RSRC1: variants seen among roughly 807,000 people sequenced by gnomAD.
The protein encoded by RSRC1 is arginine and serine rich coiled-coil 1.
Under a neutral mutation model 49.1 loss-of-function variants are expected in RSRC1, and 39 were observed. The ratio of observed to expected loss-of-function variants is 0.79; its 90% CI spans 0.61 to 1.04. RSRC1 has a LOEUF of 1.04. RSRC1 is among the 50% of genes least tolerant of loss of function. The probability of loss-of-function intolerance (pLI) is 0.00; values close to 1 mark genes in which losing one functional copy is unlikely to be tolerated. For synonymous variants in RSRC1, 143 were observed against 130.8 expected (o/e 1.09, Z -0.63); for missense variants, 388 against 402.4 (o/e 0.96, Z 0.31).
At chr3:158,349,766 C>T (rs558601827) in intron 5 of RSRC1, among the ~76,000 whole-genome samples, 2 of 132,500 alleles carry the variant, frequency 1.5e-5, no homozygotes, top group South Asian at 2.4e-4. Flanking sequence ...GGCACAATCT[C>T]GGCTCATTGC....
At chr3:158,165,368 G>A (rs909468960) in intron 3 of RSRC1, among the ~76,000 whole-genome samples, 1 of 152,186 alleles carries the variant, frequency 6.6e-6, no homozygotes, top group Admixed American at 6.5e-5. Context: ...TCGTTAATAA[G>A]CATCATTGCA....
Position 158,129,350 on chromosome 3 carries a change from C to A in RSRC1, c.320+5359C>A, listed in dbSNP as rs184367657. ...TATTGCCGAGACTAGAGTATAGTGA[C>A]GCAATTCTCATCTCACTGCAACCTC... On this transcript the variant is annotated intron_variant, in intron 3 of 9. Transcript: ENST00000611884. Among the ~76,000 whole-genome samples the A allele has an allele frequency of 3.6e-3, 488 of 134,530 alleles. 5 individuals are homozygous for A. The highest frequency in any genetic ancestry group is 8.7e-3 in the Admixed American group (103 of 11,838). The allele number at this position is 134,530 out of a possible 152,430, so 88.3% of individuals were successfully genotyped here.
chr3:158,350,833 A>T (rs1730832063), intron 5 of RSRC1, among the ~76,000 whole-genome samples: 1 of 152,212 alleles, frequency 6.6e-6, no homozygotes, highest in Non-Finnish European at 1.5e-5. Flanking sequence ...GATGAAATTT[A>T]TACTGATCCT....
chr3:158,212,827 T>C (rs1721758728), intron 4 of RSRC1, among the ~76,000 whole-genome samples: 1 of 151,962 alleles, frequency 6.6e-6, no homozygotes, highest in African/African-American at 2.4e-5. Context: ...TAATCACTCA[T>C]TACAGTTCTA....
chr3:158,110,543 C>T (rs1474819385), intron 1 of RSRC1: 1 of 152,686 alleles, frequency 6.5e-6, no homozygotes, highest in Non-Finnish European at 1.5e-5. Flanking sequence ...TTCTTCATAG[C>T]TGCTTTTGGG....
At chr3:158,308,319 C>G (rs2108138078) in intron 5 of RSRC1, among the ~76,000 whole-genome samples, 1 of 151,946 alleles carries the variant, frequency 6.6e-6, no homozygotes, top group South Asian at 2.1e-4. Flanking sequence ...CCACAGTGCC[C>G]CATTAGATGA....
At chr3:158,355,570 T>A (rs895842212) in intron 6 of RSRC1, among the ~76,000 whole-genome samples, 7 of 151,988 alleles carry the variant, frequency 4.6e-5, no homozygotes, top group African/African-American at 1.7e-4. Flanking sequence ...TCAAGTGCTG[T>A]ATGTTTTATT....
intron 4 of RSRC1, among the ~76,000 whole-genome samples, chr3:158,241,451 G>A (rs1723570556): frequency 1.3e-5 from 2 of 151,688 alleles, no homozygotes; most frequent in Non-Finnish European, 2.9e-5. Context: ...GAGCAAGACT[G>A]TCTCAAAAAT....
At chr3:158,481,797 T>C (rs1242000965) in intron 7 of RSRC1, among the ~76,000 whole-genome samples, 1 of 152,104 alleles carries the variant, frequency 6.6e-6, no homozygotes, top group Non-Finnish European at 1.5e-5. Context: ...TATACTCTTA[T>C]TCCATTTTCT....
intron 6 of RSRC1, among the ~76,000 whole-genome samples, chr3:158,363,269 C>CT (rs10635870): frequency 0.26 from 36,079 of 141,368 alleles, 4,655 homozygotes; most frequent in Non-Finnish European, 0.29. Flanking sequence ...CTTTTTTTTT[C>CT]TTTTTTTTTT....
At chr3:158,329,979 C>T (rs1182127498) in intron 5 of RSRC1, among the ~76,000 whole-genome samples, 1 of 152,200 alleles carries the variant, frequency 6.6e-6, no homozygotes, top group Non-Finnish European at 1.5e-5. Context: ...AGTTCGATCT[C>T]AGAGTGTTGT....
At chr3:158,383,550 A>G (rs1021002578) in intron 6 of RSRC1, among the ~76,000 whole-genome samples, 2 of 152,128 alleles carry the variant, frequency 1.3e-5, no homozygotes, top group African/African-American at 4.8e-5. Flanking sequence ...TGAAGTTGCA[A>G]AAGTACAGGT....
intron 6 of RSRC1, among the ~76,000 whole-genome samples, chr3:158,425,507 T>A (rs930927131): frequency 2.6e-5 from 4 of 151,768 alleles, no homozygotes; most frequent in Non-Finnish European, 2.9e-5. Flanking sequence ...CAAGTATGTG[T>A]TCAATTTTGG....
intron 4 of RSRC1, among the ~76,000 whole-genome samples, chr3:158,277,613 A>G (rs183357695): frequency 2.9e-4 from 44 of 152,314 alleles, no homozygotes; most frequent in African/African-American, 1.0e-3. Flanking sequence ...GTTGGAATGA[A>G]TATCTTCTTT....
intron 4 of RSRC1, among the ~76,000 whole-genome samples, chr3:158,287,465 A>G (rs181915738): frequency 1.8e-4 from 28 of 152,294 alleles, no homozygotes; most frequent in Non-Finnish European, 3.2e-4. Flanking sequence ...TGAAATAAAC[A>G]TTACATAAAA....
At chr3:158,205,670 A>G (rs191590326) in intron 4 of RSRC1, among the ~76,000 whole-genome samples, 15 of 152,248 alleles carry the variant, frequency 9.9e-5, no homozygotes, top group Admixed American at 2.0e-4. Flanking sequence ...ACGAAACCTA[A>G]CTAAGAGTAG....
chr3:158,351,882 A>G (rs1039351255), intron 5 of RSRC1, among the ~76,000 whole-genome samples: 1 of 143,154 alleles, frequency 7.0e-6, no homozygotes, highest in African/African-American at 2.7e-5. Flanking sequence ...ATTATGATAT[A>G]TAACTATTAT....
intron 6 of RSRC1, among the ~76,000 whole-genome samples, chr3:158,456,302 C>T (rs978441965): frequency 7.8e-5 from 11 of 140,220 alleles, no homozygotes; most frequent in African/African-American, 3.2e-4. Context: ...GTGAGGATTA[C>T]GTGAGGGTTT....
At chr3:158,370,252 T>C (rs528006912) in intron 6 of RSRC1, among the ~76,000 whole-genome samples, 2 of 152,074 alleles carry the variant, frequency 1.3e-5, no homozygotes, top group Admixed American at 1.3e-4. Flanking sequence ...ACTGAAGAGG[T>C]CTAGCAAAGG....
Sources: allele counts gnomAD v4.1 joint callset (sites outside exome capture counted in the v4.1 genomes callset), GRCh38; gene constraint gnomAD v4.1.1; transcripts MANE v1.5; gene names NCBI Gene and HGNC (gene_info 2026-07-23, HGNC 2026-07-21).